FAT2: variants seen among roughly 807,000 people sequenced by gnomAD.
The protein encoded by FAT2 is protocadherin Fat 2.
Under a neutral mutation model 295.3 loss-of-function variants are expected in FAT2, and 150 were observed. The ratio of observed to expected loss-of-function variants is 0.51; its 90% CI spans 0.44 to 0.58. The LOEUF is 0.58. Among genes scored for constraint, FAT2 ranks in the 20% least tolerant of loss-of-function variants. The pLI, the probability that FAT2 is intolerant of heterozygous loss-of-function variation, is 0.00. For missense variants in FAT2, 4,868 were observed against 5,442.7 expected, an observed-to-expected ratio of 0.89 and a Z score of 3.32; for synonymous variants, 2,026 against 2,150.3, an observed-to-expected ratio of 0.94 and a Z score of 1.60.
Position 151,529,390 on chromosome 5 carries a change from T to A in FAT2, c.9814A>T (p.Ile3272Phe). 1.2e-6 allele frequency: 2 copies of A among 1,613,436 alleles called. No individual in the cohort carries two copies. Among genetic ancestry groups the A allele is most frequent in the Non-Finnish European group, 1.7e-6 (2 of 1,179,916 alleles). ...TCCAGGCTTGCGTTGACATACAGGATCCCTGAAGAAGCAAGAGGTGACAGC... is the reference window on the plus strand; with the variant it reads ...TCCAGGCTTGCGTTGACATACAGGAACCCTGAAGAAGCAAGAGGTGACAGC... ...GRFRLDARTG[I>F]LYVNASLDFE... is the part of the protein sequence containing the mutation. Residue 3272 changes from isoleucine (I) to phenylalanine (F), a missense_variant and splice_region_variant, in exon 15 of 24, where the codon ATC becomes TTC. This residue lies in a region of FAT2 where 1,046 missense variants were observed against 1,210.1 expected (regional missense o/e 0.86). Transcript: ENST00000261800.
intron 8 of FAT2, 39 bp downstream of exon 8, chr5:151,550,551 A>G: frequency 6.2e-7 from 1 of 1,607,682 alleles, no homozygotes; most frequent in Non-Finnish European, 8.5e-7. Flanking sequence ...ACACATCTAC[A>G]TGCAAACGTA....
chr5:151,510,538 GACAGGT>G (rs2127568499), intron 21 of FAT2: 1 of 182,298 alleles, frequency 5.5e-6, no homozygotes, highest in Admixed American at 5.6e-5. Context: ...CTCATCAGGG[GACAGGT>G]ACAAAGGGAT....
At position 151,507,414 on chromosome 5, in the gene FAT2, A is replaced by G. The variant is rs918406526; in HGVS notation, c.12257T>C (p.Leu4086Pro). 1 of 1,614,156 alleles carries G rather than the reference A, an allele frequency of 6.2e-7. No individual in the cohort carries two copies. Among genetic ancestry groups the G allele is most frequent in the South Asian group, 1.1e-5 (1 of 91,068 alleles). Residue 4086 changes from leucine to proline, a missense_variant, in exon 23 of 24, where the codon CTC (leucine) becomes CCC (proline). Leu to Pro is a moderately conservative substitution (Grantham distance 98). Coordinates refer to ENST00000261800, the MANE Select transcript of FAT2 (RefSeq NM_001447.3). ...HKPVAMEDPD[L>P]LARSVGVDTQ... ...GTCAACACCAACACTCCTGGCCAGG[A>G]GGTCTGGGTCCTCCATGGCCACAGG...
chr5:151,593,695 G>A (rs1028504024), upstream of FAT2, among the ~76,000 whole-genome samples: 2 of 152,012 alleles, frequency 1.3e-5, no homozygotes, highest in Non-Finnish European at 1.5e-5. Flanking sequence ...CCTTTGACCT[G>A]ACCAAGAAGT....
Position 151,557,459 on chromosome 5 carries a change from C to T in FAT2, c.3575-1057G>A, listed in dbSNP as rs550533547. Among the ~76,000 whole-genome samples, 92 of 152,242 alleles carry T rather than the reference C, an allele frequency of 6.0e-4. 1 individual carries two copies. Among genetic ancestry groups the T allele is most frequent in the South Asian group, 4.2e-4 (2 of 4,814 alleles). ...GGGACCCGTCTGTCTGATGAGAATC[C>T]ATTCTGGGACTTTTGCAAGAGCTCT... On this transcript the variant is annotated intron_variant, in intron 3 of 23. Coordinates refer to ENST00000261800, the MANE Select transcript of FAT2 (RefSeq NM_001447.3).
intron 20 of FAT2, among the ~76,000 whole-genome samples, chr5:151,514,061 C>G (rs771041539): frequency 2.5e-4 from 38 of 152,318 alleles, no homozygotes; most frequent in Admixed American, 1.7e-3. Context: ...AGAGTTTTCT[C>G]TGTTGAAATT....
At chr5:151,548,724 G>C (rs1270355438) in intron 9 of FAT2, among the ~76,000 whole-genome samples, 1 of 152,036 alleles carries the variant, frequency 6.6e-6, no homozygotes, top group East Asian at 1.9e-4. Context: ...CAGGTGATCC[G>C]CCCGCCTCGG....
intron 22 of FAT2, among the ~76,000 whole-genome samples, chr5:151,508,709 C>CA (rs577518222): frequency 0.025 from 2,800 of 109,994 alleles, 94 homozygotes; most frequent in African/African-American, 0.076. Context: ...AACTCCTTCT[C>CA]AAAAAAAAAA....
At chr5:151,551,688 T>C (rs1233971989) in intron 6 of FAT2, 82 bp from the exon 7 acceptor site, 25 of 1,478,944 alleles carry the variant, frequency 1.7e-5, no homozygotes, top group Non-Finnish European at 2.2e-5. Flanking sequence ...GTTGTCAGGC[T>C]CAGAGGACAC....
At position 151,589,673 on chromosome 5, in the gene FAT2, A is replaced by G. The variant is rs1038542406; in HGVS notation, c.-21+1492T>C. 4.7e-4 allele frequency among the ~76,000 whole-genome samples: 72 copies of G among 152,136 alleles called. 1 individual carries two copies. Among genetic ancestry groups the G allele is most frequent in the African/African-American group, 1.7e-3 (71 of 41,430 alleles). On this transcript the variant is annotated intron_variant, in intron 1 of 23. Coordinates refer to ENST00000261800, the MANE Select transcript of FAT2 (RefSeq NM_001447.3). ...CACTTTAGGGGGCCAAGGTGGAAAA[A>G]TTGCTTGAGCCCAAGAGTTCAAGAC...
Position 151,542,685 on chromosome 5 carries a change from G to A in FAT2, c.8442C>T (p.Thr2814=), listed in dbSNP as rs2127605870. 6.2e-7 allele frequency: 1 copy of A among 1,614,192 alleles called. No individual in the cohort carries two copies. The highest frequency in any genetic ancestry group is 8.5e-7 in the Non-Finnish European group (1 of 1,180,030). Reference sequence around the variant, plus strand: ...CAATGGCAGTCACTTGAATGACTGAGGTCCCCACTGGCATATTCTCAGTGA... The same window carrying A: ...CAATGGCAGTCACTTGAATGACTGAAGTCCCCACTGGCATATTCTCAGTGA... ...AVLTENMPVG[T]SVIQVTAIDK... The change falls in exon 10 of 24, where the codon ACC becomes ACT. Residue 2814 remains threonine (T), a synonymous_variant. Transcript: ENST00000261800.
chr5:151,544,979 G>A lies in FAT2; in HGVS notation c.6148C>T (p.Arg2050Trp), dbSNP rs750353121. Residue 2050 changes from arginine to tryptophan, a missense_variant, in exon 10 of 24, where the codon CGG (arginine) becomes TGG (tryptophan). Around this residue, in one of 5 missense-constraint regions of FAT2, gnomAD observed 3,297 missense variants for 3,669.4 expected, o/e 0.90. Coordinates refer to ENST00000261800, the MANE Select transcript of FAT2 (RefSeq NM_001447.3). ...ACTCTGACCAAACCCTGAGCCACCC[G>A]CTGAGGTGTCCGATTGTCCCTCACT... ...VEVRDNRTPQ[R>W]VAQGLVRVSI... The A allele has an allele frequency of 4.2e-5, 68 of 1,614,034 alleles. No homozygotes were observed. Among genetic ancestry groups the A allele is most frequent in the Non-Finnish European group, 5.5e-5 (65 of 1,180,044 alleles).
rs961875499 is a variant in FAT2 at position 151,567,027 on chromosome 5, A to C, written c.1905T>G (p.Ser635Arg). 3 of 1,614,062 alleles carry C rather than the reference A, an allele frequency of 1.9e-6. No homozygotes were observed. In the South Asian group the frequency reaches 3.3e-5, roughly 18 times the overall value. ...FINLTAGQPT[S>R]YSLKITASDG... Reference sequence around the variant, plus strand: ...CTGAGGCTGTAATCTTCAGGGAATAACTGGTGGGTTGACCAGCAGTAAGAT... The same window carrying C: ...CTGAGGCTGTAATCTTCAGGGAATACCTGGTGGGTTGACCAGCAGTAAGAT... Residue 635 changes from serine (S) to arginine (R), a missense_variant, in exon 2 of 24, where the codon AGT (serine) becomes AGG (arginine). This residue lies in a region of FAT2 where 3,297 missense variants were observed against 3,669.4 expected (regional missense o/e 0.90). Transcript: ENST00000261800.
rs151270576 is a variant in FAT2, at chr5:151,522,275, C to T, written c.10507-189G>A. Reference sequence around the variant, plus strand: ...AGCACTGACAGAAAAGAAAGATTTTCTGAAGGTTTTGTAGAGATTGAAGGA... The same window carrying T: ...AGCACTGACAGAAAAGAAAGATTTTTTGAAGGTTTTGTAGAGATTGAAGGA... On this transcript the variant is annotated intron_variant, in intron 18 of 23. Coordinates refer to ENST00000261800, the MANE Select transcript of FAT2 (RefSeq NM_001447.3). 7.2e-6 allele frequency: 4 copies of T among 557,490 alleles called. No individual in the cohort carries two copies. The East Asian group carries it at 1.1e-4, about 16-fold the overall frequency. 34.5% of individuals were successfully genotyped at this position (557,490 alleles called of 1,614,324 possible).
intron 13 of FAT2, among the ~76,000 whole-genome samples, chr5:151,532,642 A>G (rs987802696): frequency 1.3e-5 from 2 of 152,182 alleles, no homozygotes; most frequent in African/African-American, 4.8e-5. Flanking sequence ...AGTTAAGAAA[A>G]CACCCATGGA....
chr5:151,556,589 G>A (rs751535605), intron 3 of FAT2, among the ~76,000 whole-genome samples, 187 bp from the exon 4 acceptor site: 16 of 152,166 alleles, frequency 1.1e-4, no homozygotes, highest in Non-Finnish European at 2.1e-4. Context: ...GTGTGGAAGT[G>A]ATACACATTC....
rs754582280 is a variant in FAT2 at position 151,556,251 on chromosome 5, C to T, written c.3633+93G>A. On this transcript the variant is annotated intron_variant, in intron 4 of 23. Coordinates refer to ENST00000261800, the MANE Select transcript of FAT2 (RefSeq NM_001447.3). The stretch of plus-strand genomic sequence containing the variant: ...GTATATCTTCCTCCCTGAACCCAGA[C>T]CCTCCTCAGCCACAGTGCTAGACAT... 1.1e-4 allele frequency: 118 copies of T among 1,056,862 alleles called. No individual in the cohort carries two copies. In the East Asian group the frequency reaches 2.7e-3, roughly 24 times the overall value. 65.5% of individuals were successfully genotyped at this position (1,056,862 alleles called of 1,614,324 possible). A position where few individuals can be genotyped will look rare whatever the true frequency, so the allele number is the denominator to read the frequency against.
intron 1 of FAT2, among the ~76,000 whole-genome samples, chr5:151,572,890 C>A (rs1049634258): frequency 6.6e-6 from 1 of 152,204 alleles, no homozygotes; most frequent in African/African-American, 2.4e-5. Context: ...CGAGCAGGCA[C>A]TTGTCTGGGG....
rs1475519138 is a variant in FAT2, at chr5:151,507,157, T to C, written c.12514A>G (p.Met4172Val). The C allele has an allele frequency of 6.3e-7, 1 of 1,577,364 alleles. No homozygotes were observed. The highest frequency in any genetic ancestry group is 1.2e-5 in the South Asian group (1 of 83,366). ...AAGCGTCTCTGGCTATACTGACCCA[T>C]CTCCTCGCTGGACCAGGTTCTCTTA... ...VIKRTWSSEEMVYPGGAMVWP... is the reference protein window; with the variant it reads ...VIKRTWSSEEVVYPGGAMVWP... The change falls in exon 23 of 24, where the codon ATG becomes GTG. Residue 4172 changes from methionine to valine, a missense_variant. Physicochemically the swap from Met to Val is conservative, Grantham distance 21. Transcript: ENST00000261800.
Sources: gnomAD v4.1 joint callset for allele counts (sites outside exome capture counted in the v4.1 genomes callset) on GRCh38, gnomAD v4.1.1 for gene constraint, gnomAD v4.1.1 regional missense constraint, MANE v1.5 for transcripts, NCBI Gene and HGNC (gene_info 2026-07-23, HGNC 2026-07-21) for gene names.